AKAP13: variants seen among roughly 807,000 people sequenced by gnomAD.
AKAP13 encodes the protein A-kinase anchoring protein 13.
A neutral mutation model predicts 264.5 loss-of-function variants in AKAP13; 80 were observed. The observed-to-expected ratio is 0.30, with a 90% CI of 0.25 to 0.36. The LOEUF is 0.36. Ranked by LOEUF, AKAP13 falls within the 10% of genes least tolerant of loss-of-function variation. AKAP13 has a pLI of 1.00. For missense variants in AKAP13, 3,712 were observed against 3,435.2 expected, an observed-to-expected ratio of 1.08 and a Z score of -2.01; for synonymous variants, 1,380 against 1,250.2, an observed-to-expected ratio of 1.10 and a Z score of -2.19.
intron 17 of AKAP13, among the ~76,000 whole-genome samples, chr15:85,697,273 G>A (rs2085617234): frequency 6.6e-6 from 1 of 152,140 alleles, no homozygotes; most frequent in Admixed American, 6.6e-5. Flanking sequence ...AAGAGATGTT[G>A]AAAATCACTA....
chr15:85,544,154 TTAA>T lies in AKAP13; in HGVS notation c.662+200_662+202del, dbSNP rs1201083683. ...GTCTGAGAGAGAAACGTAAGTCGTG[TTAA>T]CCATTTTCTCTCTCGTCTGCCTGCC... On this transcript the variant is annotated intron_variant, in intron 5 of 36. Coordinates refer to ENST00000394518, the MANE Select transcript of AKAP13 (RefSeq NM_007200.5). 113 of 715,494 alleles carry T rather than the reference TTAA, an allele frequency of 1.6e-4. No individual in the cohort carries two copies. In the African/African-American group the frequency reaches 1.9e-3, roughly 12 times the overall value. 44.3% of individuals were successfully genotyped at this position (715,494 alleles called of 1,614,324 possible). A position where few individuals can be genotyped will look rare whatever the true frequency, so the allele number is the denominator to read the frequency against.
chr15:85,631,502 TCACACACACACACACACACACACA>T lies in AKAP13; in HGVS notation c.4162-7844_4162-7821del, dbSNP rs55928032. On this transcript the variant is annotated intron_variant, in intron 8 of 36. Coordinates refer to ENST00000394518, the MANE Select transcript of AKAP13 (RefSeq NM_007200.5). ...CACACTTTCTCTCTCTCTCTCTCTC[TCACACACACACACACACACACACA>T]CACACACACACACACACACACACAC... Among the ~76,000 whole-genome samples the T allele has an allele frequency of 9.5e-3, 1,336 of 141,050 alleles. 27 individuals carry two copies. The highest frequency in any genetic ancestry group is 0.033 in the African/African-American group (1,249 of 37,416). The allele number at this position is 141,050 out of a possible 152,430, so 92.5% of individuals were successfully genotyped here. A position where few individuals can be genotyped will look rare whatever the true frequency, so the allele number is the denominator to read the frequency against.
At chr15:85,693,565 C>T (rs2151640146) in intron 17 of AKAP13, 114 bp downstream of exon 17, 1 of 1,488,098 alleles carries the variant, frequency 6.7e-7, no homozygotes, top group East Asian at 2.4e-5. Flanking sequence ...GGAGAAGTAA[C>T]CCTTTTTATA....
At chr15:85,385,494 C>T (rs971090068) in intron 1 of AKAP13, among the ~76,000 whole-genome samples, 1 of 152,120 alleles carries the variant, frequency 6.6e-6, no homozygotes, top group Non-Finnish European at 1.5e-5. Context: ...CAGGACAGTC[C>T]CTTCATCCTC....
chr15:85,442,475 TTA>T (rs1377294435), intron 1 of AKAP13, among the ~76,000 whole-genome samples: 65 of 120,646 alleles, frequency 5.4e-4, no homozygotes, highest in African/African-American at 1.9e-3. Context: ...ATAATATATA[TTA>T]TATAATATAT....
chr15:85,554,487 C>A (rs1198573569), intron 5 of AKAP13, among the ~76,000 whole-genome samples: 2 of 152,182 alleles, frequency 1.3e-5, no homozygotes, highest in African/African-American at 4.8e-5. Flanking sequence ...GGAAACCAAG[C>A]CCCATTTTCC....
At position 85,727,883 on chromosome 15, in the gene AKAP13, C is replaced by T. The variant is rs555324925; in HGVS notation, c.7087+420C>T. 3.9e-5 allele frequency among the ~76,000 whole-genome samples: 6 copies of T among 152,276 alleles called. No individual in the cohort carries two copies. The highest frequency in any genetic ancestry group is 4.2e-4 in the South Asian group (2 of 4,816). On this transcript the variant is annotated intron_variant, in intron 29 of 36. Coordinates refer to ENST00000394518, the MANE Select transcript of AKAP13 (RefSeq NM_007200.5). This position sits in a 1 kb window ranked among gnomAD's most constrained non-coding sequence, Gnocchi z 5.3. ...CCAGTCCCTAGCGTTATCACTTATC[C>T]GCATGTTTACAAATGAGTTGTGAGG...
chr15:85,632,397 TTTATA>T (rs2081878214), intron 8 of AKAP13, among the ~76,000 whole-genome samples: 1 of 152,180 alleles, frequency 6.6e-6, no homozygotes, highest in African/African-American at 2.4e-5. Flanking sequence ...AGACATTATC[TTTATA>T]ATACTGGACA....
rs569352276 is a variant in AKAP13 at position 85,665,164 on chromosome 15, C to G, written c.4992+409C>G. Among the ~76,000 whole-genome samples, 3 of 152,272 alleles carry G rather than the reference C, an allele frequency of 2.0e-5. No individual in the cohort carries two copies. In the South Asian group the frequency reaches 6.2e-4, roughly 32 times the overall value. On this transcript the variant is annotated intron_variant, in intron 13 of 36. Coordinates refer to ENST00000394518, the MANE Select transcript of AKAP13 (RefSeq NM_007200.5). Reference sequence around the variant, plus strand: ...GCTGCATTGAGTTGTGATTGCACCACTGCACTCCAGCCTGGGTGACAGAGC... The same window carrying G: ...GCTGCATTGAGTTGTGATTGCACCAGTGCACTCCAGCCTGGGTGACAGAGC...
chr15:85,393,101 G>C (rs1447870222), intron 1 of AKAP13, among the ~76,000 whole-genome samples: 5 of 152,184 alleles, frequency 3.3e-5, no homozygotes, highest in African/African-American at 1.2e-4. Flanking sequence ...GTCTAAGTGG[G>C]TGTGTTTCTG....
chr15:85,471,724 A>G (rs1365861756), intron 1 of AKAP13, among the ~76,000 whole-genome samples: 2 of 152,186 alleles, frequency 1.3e-5, no homozygotes, highest in Non-Finnish European at 2.9e-5. Flanking sequence ...ACATTGTGTC[A>G]CTACTTTTGC....
chr15:85,508,528 T>C (rs747846873), intron 2 of AKAP13, among the ~76,000 whole-genome samples: 6 of 152,102 alleles, frequency 3.9e-5, no homozygotes, highest in East Asian at 1.9e-4. Flanking sequence ...GCTCTTTAGC[T>C]GAGTCCTCTA....
intron 2 of AKAP13, among the ~76,000 whole-genome samples, chr15:85,499,547 TGA>T (rs1056825837): frequency 1.1e-4 from 16 of 152,344 alleles, no homozygotes; most frequent in Admixed American, 9.1e-4. Flanking sequence ...GATCCCGTGC[TGA>T]GTCATTGGTA....
At chr15:85,382,365 C>T (rs1372853316) in intron 1 of AKAP13, among the ~76,000 whole-genome samples, 1 of 152,172 alleles carries the variant, frequency 6.6e-6, no homozygotes, top group Non-Finnish European at 1.5e-5. Context: ...ATTTTCTTCA[C>T]CTGATGAAGC....
Position 85,664,744 on chromosome 15 carries a change from T to G in AKAP13, c.4981T>G (p.Phe1661Val). ...GTCAGACCAGAGAGAACATAGGATG[T>G]TTGATCAGCAGGTAAGTCTTAAATA... ...LESDQREHRMFDQQICHRSKQ... is the reference protein window; with the variant it reads ...LESDQREHRMVDQQICHRSKQ... Residue 1661 changes from phenylalanine to valine, a missense_variant, in exon 13 of 37, where the codon TTT (phenylalanine) becomes GTT (valine). Around this residue, in one of 3 missense-constraint regions of AKAP13, gnomAD observed 2,759 missense variants for 2,411.7 expected, o/e 1.14. Transcript: ENST00000394518. The G allele has an allele frequency of 6.2e-7, 1 of 1,612,008 alleles. No individual in the cohort carries two copies. The highest frequency in any genetic ancestry group is 8.5e-7 in the Non-Finnish European group (1 of 1,179,210).
chr15:85,400,216 T>A (rs142765919), intron 1 of AKAP13, among the ~76,000 whole-genome samples: 1,921 of 152,270 alleles, frequency 0.013, 53 homozygotes, highest in African/African-American at 0.044. Context: ...AGGACCAGCC[T>A]GGGCAACATA....
At chr15:85,636,851 G>C (rs1333635484) in intron 8 of AKAP13, among the ~76,000 whole-genome samples, 1 of 152,210 alleles carries the variant, frequency 6.6e-6, no homozygotes, top group Non-Finnish European at 1.5e-5. Flanking sequence ...CTGACCTGAA[G>C]TGATCTGCCT....
Position 85,723,219 on chromosome 15 carries a change from G to A in AKAP13, c.6644G>A (p.Arg2215Lys). Residue 2215 changes from arginine (R) to lysine (K), a missense_variant, in exon 26 of 37, where the codon AGG becomes AAG. This residue lies in a region of AKAP13 where 342 missense variants were observed against 484.3 expected (regional missense o/e 0.71). Coordinates refer to ENST00000394518, the MANE Select transcript of AKAP13 (RefSeq NM_007200.5). ...AAGACAGATAGCAAGTCAATCATGA[G>A]GATGAAGAGTGGTCAGATGTTTGCC... The part of the protein sequence containing the change: ...YTKTDSKSIM[R>K]MKSGQMFAKE... The A allele has an allele frequency of 6.2e-7, 1 of 1,614,166 alleles. No homozygotes were observed. Among genetic ancestry groups the A allele is most frequent in the South Asian group, 1.1e-5 (1 of 91,082 alleles).
At chr15:85,499,592 C>A (rs1261719524) in intron 2 of AKAP13, among the ~76,000 whole-genome samples, 1 of 152,184 alleles carries the variant, frequency 6.6e-6, no homozygotes, top group Admixed American at 6.6e-5. Context: ...TCTATGTAAG[C>A]TAGCCTTCAG....
Sources: gnomAD v4.1 joint callset for allele counts (sites outside exome capture counted in the v4.1 genomes callset) on GRCh38, gnomAD v4.1.1 for gene constraint, gnomAD v4.1.1 regional missense constraint, Gnocchi (gnomAD v3.1) non-coding constraint, MANE v1.5 for transcripts, NCBI Gene and HGNC (gene_info 2026-07-23, HGNC 2026-07-21) for gene names.